Variants in ITGA9 observed in about 807,000 individuals in gnomAD.
The protein encoded by ITGA9 is integrin alpha-9.
Under a neutral mutation model 127.8 loss-of-function variants are expected in ITGA9, and 56 were observed. That is an observed-to-expected ratio of 0.44 (90% CI 0.35 to 0.55). ITGA9 has a LOEUF of 0.55. ITGA9 is among the 20% of genes least tolerant of loss of function. The pLI is 0.00. For synonymous variants in ITGA9, 508 were observed against 514.5 expected, an observed-to-expected ratio of 0.99 and a Z score of 0.17; for missense variants, 1,196 against 1,347.1, an observed-to-expected ratio of 0.89 and a Z score of 1.76.
intron 18 of ITGA9, among the ~76,000 whole-genome samples, chr3:37,718,542 T>C (rs1701158006): frequency 6.6e-6 from 1 of 152,216 alleles, no homozygotes; most frequent in African/African-American, 2.4e-5. Context: ...ACATTAGCTC[T>C]TGGGACCAGT....
chr3:37,561,838 A>G (rs543162594), intron 15 of ITGA9, among the ~76,000 whole-genome samples: 1 of 152,288 alleles, frequency 6.6e-6, no homozygotes, highest in East Asian at 1.9e-4. Context: ...GCTCGAGTAC[A>G]AGCCTTCCGG....
chr3:37,549,281 C>G (rs1398285384), intron 15 of ITGA9, among the ~76,000 whole-genome samples: 3 of 152,230 alleles, frequency 2.0e-5, no homozygotes, highest in African/African-American at 7.2e-5. Flanking sequence ...TAATCTTCTG[C>G]ATTTGGACAC....
rs866576737 is a variant in ITGA9, at chr3:37,452,720, G to A, written c.185+161G>A. ...CGGCTCGGCCGCCGGGGGACGGCGG[G>A]AGAAGGGAGGACGCCGTCCGGGGCC... On this transcript the variant is annotated intron_variant, in intron 1 of 27. Transcript: ENST00000264741. This position sits in a 1 kb window ranked among gnomAD's most constrained non-coding sequence, Gnocchi z 7.3. Among the ~76,000 whole-genome samples the A allele has an allele frequency of 3.4e-4, 51 of 152,146 alleles. No homozygotes were observed. Among genetic ancestry groups the A allele is most frequent in the South Asian group, 6.2e-4 (3 of 4,822 alleles).
chr3:37,781,508 G>A (rs1310719064), intron 25 of ITGA9, among the ~76,000 whole-genome samples: 1 of 152,160 alleles, frequency 6.6e-6, no homozygotes, highest in Non-Finnish European at 1.5e-5. Context: ...TTGCTATTAT[G>A]AGTTTATCAC....
chr3:37,636,733 C>T (rs1043773901), intron 16 of ITGA9, among the ~76,000 whole-genome samples: 6 of 152,240 alleles, frequency 3.9e-5, no homozygotes, highest in Admixed American at 6.5e-5. Context: ...ATGGTATTGC[C>T]TAGGTTTTCT....
intron 18 of ITGA9, among the ~76,000 whole-genome samples, chr3:37,712,339 T>C (rs1701088181): frequency 3.6e-5 from 4 of 110,680 alleles, no homozygotes; most frequent in Admixed American, 3.0e-4. Context: ...TCTGGAGCCA[T>C]GGTGGCTGGT....
rs533958461 is a variant in ITGA9 at position 37,727,476 on chromosome 3, C to A, written c.2068-5236C>A. On this transcript the variant is annotated intron_variant, in intron 18 of 27. Coordinates refer to ENST00000264741, the MANE Select transcript of ITGA9 (RefSeq NM_002207.3). ...TTGAGACTTTGCCTGAAATGTGAAA[C>A]TGAAAATTACGAAATTAGGTTTATT... 1.4e-4 allele frequency among the ~76,000 whole-genome samples: 21 copies of A among 152,186 alleles called. 1 individual carries two copies. The highest frequency in any genetic ancestry group is 2.5e-4 in the Non-Finnish European group (17 of 68,040).
chr3:37,584,094 A>G (rs1212204405), intron 15 of ITGA9, among the ~76,000 whole-genome samples: 3 of 152,218 alleles, frequency 2.0e-5, no homozygotes, highest in Non-Finnish European at 4.4e-5. Context: ...CCACAACTCC[A>G]TGGCACACAT....
At chr3:37,524,939 G>T (rs572107607) in intron 12 of ITGA9, among the ~76,000 whole-genome samples, 1 of 152,300 alleles carries the variant, frequency 6.6e-6, no homozygotes, top group South Asian at 2.1e-4. Context: ...GACTATTGAA[G>T]AACAAAATTG....
In ITGA9 at chr3:37,506,010, G is replaced by C. The variant is rs145968481; in HGVS notation, c.753G>C (p.Val251=). 3 of 1,606,156 alleles carry C rather than the reference G, an allele frequency of 1.9e-6. No individual in the cohort carries two copies. The South Asian group carries it at 3.4e-5, about 18-fold the overall frequency. ...NRRYTYLGYA[V]TAGHFSHPST... is the part of the protein sequence containing the mutation. ...GCCCATCCTGTTCAGGCTACGCAGT[G>C]ACCGCTGGCCACTTCTCTCACCCGT... The change falls in exon 7 of 28, where the codon GTG becomes GTC. Residue 251 remains valine, a synonymous_variant. Coordinates refer to ENST00000264741, the MANE Select transcript of ITGA9 (RefSeq NM_002207.3).
At chr3:37,755,957 CA>C (rs1433604694) in intron 23 of ITGA9, among the ~76,000 whole-genome samples, 2 of 151,296 alleles carry the variant, frequency 1.3e-5, no homozygotes, top group East Asian at 3.9e-4. Context: ...AAATTCAAAA[CA>C]ATCCAAAAGG....
intron 1 of ITGA9, among the ~76,000 whole-genome samples, chr3:37,469,279 G>A (rs1248965538): frequency 2.0e-5 from 3 of 152,172 alleles, no homozygotes; most frequent in Non-Finnish European, 4.4e-5. Context: ...GCTCCTGTTT[G>A]CATGCAAACT....
intron 3 of ITGA9, among the ~76,000 whole-genome samples, chr3:37,474,849 T>C (rs1698476095): frequency 6.6e-6 from 1 of 152,228 alleles, no homozygotes; most frequent in Admixed American, 6.5e-5. Flanking sequence ...CTAGGCAAAG[T>C]GTTTTTGTCC....
chr3:37,746,114 G>A (rs1026273656), intron 22 of ITGA9, among the ~76,000 whole-genome samples: 2 of 152,226 alleles, frequency 1.3e-5, no homozygotes, highest in Non-Finnish European at 2.9e-5. Flanking sequence ...CAGCTTGGCA[G>A]TGATAATGAC....
intron 15 of ITGA9, among the ~76,000 whole-genome samples, chr3:37,544,504 T>C (rs1699306833): frequency 6.6e-6 from 1 of 152,224 alleles, no homozygotes; most frequent in Non-Finnish European, 1.5e-5. Context: ...TGGCATCCTG[T>C]TGGCAGATTC....
chr3:37,461,792 C>A (rs756628807), intron 1 of ITGA9, among the ~76,000 whole-genome samples: 2 of 152,134 alleles, frequency 1.3e-5, no homozygotes, highest in African/African-American at 2.4e-5. Flanking sequence ...AAATGGAGAT[C>A]TTTGGGATTG....
chr3:37,760,497 A>G (rs1401308179), intron 23 of ITGA9, among the ~76,000 whole-genome samples: 1 of 152,152 alleles, frequency 6.6e-6, no homozygotes, highest in African/African-American at 2.4e-5. Flanking sequence ...GATATACACA[A>G]TTGGAGTTGC....
chr3:37,566,539 T>C (rs1699549135), intron 15 of ITGA9, among the ~76,000 whole-genome samples: 1 of 152,200 alleles, frequency 6.6e-6, no homozygotes, highest in South Asian at 2.1e-4. Context: ...AAAAGAGTGC[T>C]CAACTCAAGA....
chr3:37,776,755 C>T (rs1348193234), intron 23 of ITGA9, among the ~76,000 whole-genome samples: 5 of 152,178 alleles, frequency 3.3e-5, no homozygotes, highest in East Asian at 1.9e-4. Context: ...ACCAAGAGCT[C>T]GGCAAGCATG....
Sources: allele counts gnomAD v4.1 joint callset (sites outside exome capture counted in the v4.1 genomes callset), GRCh38; gene constraint gnomAD v4.1.1; non-coding constraint Gnocchi (gnomAD v3.1); transcripts MANE v1.5; gene names NCBI Gene and HGNC (gene_info 2026-07-23, HGNC 2026-07-21).